NCF2: variants seen among roughly 807,000 people sequenced by gnomAD.
NCF2 encodes the protein neutrophil cytosolic factor 2.
A neutral mutation model predicts 70.9 loss-of-function variants in NCF2; 45 were observed. The observed-to-expected ratio is 0.63, with a 90% confidence interval of 0.50 to 0.81. The LOEUF (loss-of-function observed/expected upper bound fraction) is 0.81, where lower values mean the gene tolerates loss of function less well. Ranked by LOEUF, NCF2 falls within the 40% of genes least tolerant of loss-of-function variation. NCF2 has a pLI of 0.00. For synonymous variants in NCF2, 203 were observed against 233.6 expected, an observed-to-expected ratio of 0.87 and a Z score of 1.19; for missense variants, 522 against 631.6, an observed-to-expected ratio of 0.83 and a Z score of 1.86.
chr1:183,591,504 C>A (rs1213649545), upstream of NCF2, among the ~76,000 whole-genome samples: 2 of 136,570 alleles, frequency 1.5e-5, no homozygotes, highest in African/African-American at 5.6e-5. Context: ...TTTTTTGAGA[C>A]GGAGTTTCAC....
intron 1 of NCF2, among the ~76,000 whole-genome samples, chr1:183,587,595 C>CAAAAAAAA (rs11287969): frequency 4.8e-4 from 20 of 41,894 alleles, no homozygotes; most frequent in Non-Finnish European, 8.2e-4. Flanking sequence ...CACCCTGTCT[C>CAAAAAAAA]AAAAAAAAAA....
At chr1:183,586,729 G>C (rs1039359406) in intron 2 of NCF2, among the ~76,000 whole-genome samples, 166 bp downstream of exon 2, 2 of 152,184 alleles carry the variant, frequency 1.3e-5, no homozygotes, top group Non-Finnish European at 2.9e-5. Context: ...CCCAGTGAGA[G>C]CTTCTGCCTC....
chr1:183,583,868 CT>C (rs1157822109), intron 2 of NCF2, among the ~76,000 whole-genome samples: 5 of 152,052 alleles, frequency 3.3e-5, no homozygotes, highest in African/African-American at 4.8e-5. Flanking sequence ...ACAGAGATTG[CT>C]TTTTTTAAAT....
At chr1:183,587,740 A>C (rs528926369) in intron 1 of NCF2, among the ~76,000 whole-genome samples, 161 of 152,270 alleles carry the variant, frequency 1.1e-3, no homozygotes, top group Middle Eastern at 3.4e-3. Context: ...AAAGGAGCTC[A>C]TCATTTTAAA....
intron 2 of NCF2, among the ~76,000 whole-genome samples, chr1:183,578,383 G>A (rs1468928115): frequency 6.6e-6 from 1 of 150,912 alleles, no homozygotes; most frequent in African/African-American, 2.4e-5. Flanking sequence ...TTTGAGACAG[G>A]GTCTCACTGT....
chr1:183,594,245 A>G (rs999191494), upstream of NCF2, among the ~76,000 whole-genome samples: 1 of 114,808 alleles, frequency 8.7e-6, no homozygotes, highest in African/African-American at 3.4e-5. Context: ...ATCTCTACAG[A>G]AAAACACTAA....
At chr1:183,588,765 G>T (rs1198147930) in intron 1 of NCF2, among the ~76,000 whole-genome samples, 1 of 152,228 alleles carries the variant, frequency 6.6e-6, no homozygotes, top group African/African-American at 2.4e-5. Context: ...GAATGAGAAG[G>T]CTAGAAGCAG....
upstream of NCF2, among the ~76,000 whole-genome samples, chr1:183,591,256 G>GA (rs948923501): frequency 1.2e-4 from 18 of 152,374 alleles, no homozygotes; most frequent in African/African-American, 9.6e-5. Context: ...AAGTGATGGA[G>GA]AAAAAATCCT....
intron 2 of NCF2, among the ~76,000 whole-genome samples, chr1:183,580,607 G>A (rs570783747): frequency 3.9e-5 from 6 of 152,242 alleles, no homozygotes; most frequent in African/African-American, 1.4e-4. Context: ...TTTCAGCTGG[G>A]AAGTGACACC....
intron 2 of NCF2, among the ~76,000 whole-genome samples, chr1:183,582,807 C>T (rs1401408047): frequency 1.3e-5 from 2 of 152,158 alleles, no homozygotes; most frequent in East Asian, 1.9e-4. Context: ...AAGACAGCTT[C>T]GAGCCCCTGT....
intron 2 of NCF2, among the ~76,000 whole-genome samples, 188 bp from the exon 3 acceptor site, chr1:183,577,895 GT>G (rs1230462438): frequency 3.3e-5 from 5 of 152,156 alleles, no homozygotes; most frequent in Non-Finnish European, 4.4e-5. Context: ...TGGGAATGGT[GT>G]TCCCCCCAGG....
intron 5 of NCF2, among the ~76,000 whole-genome samples, chr1:183,571,255 T>C (rs1257557391): frequency 2.6e-5 from 4 of 151,402 alleles, no homozygotes; most frequent in African/African-American, 9.7e-5. Context: ...GTAGCTGATA[T>C]TACAGGCACC....
intron 13 of NCF2, among the ~76,000 whole-genome samples, chr1:183,561,705 C>G (rs1672059543): frequency 6.9e-6 from 1 of 145,718 alleles, no homozygotes; most frequent in East Asian, 2.0e-4. Context: ...GTCTTAAACT[C>G]CTGACCTCAG....
chr1:183,590,649 C>T (rs1390255125), upstream of NCF2: 5 of 402,158 alleles, frequency 1.2e-5, no homozygotes, highest in Non-Finnish European at 1.9e-5. Flanking sequence ...AGGATCAGTT[C>T]CCCAAAATGC....
Position 183,556,107 on chromosome 1 carries a change from T to G in NCF2, c.*11A>C, listed in dbSNP as rs920446407. On this transcript the variant is annotated 3_prime_UTR_variant, in exon 15 of 15. Coordinates refer to ENST00000367535, the MANE Select transcript of NCF2 (RefSeq NM_000433.4). ...CTTCATTTTCTTCAGCTTTGTAGTT[T>G]GTGAAACATCCTAGACTTCTCTCCG... 6 of 1,607,782 alleles carry G rather than the reference T, an allele frequency of 3.7e-6. No homozygotes were observed. In the African/African-American group the frequency reaches 6.7e-5, roughly 18 times the overall value.
At chr1:183,558,123 C>T (rs789183) in intron 14 of NCF2, among the ~76,000 whole-genome samples, 26,568 of 151,870 alleles carry the variant, frequency 0.17, 2,876 homozygotes, top group African/African-American at 0.32. Flanking sequence ...ATCCACTCAC[C>T]TTGGCCTCCC....
chr1:183,555,965 A>G lies in NCF2; in HGVS notation c.*153T>C, dbSNP rs1279397099. The G allele has an allele frequency of 2.8e-6, 2 of 717,912 alleles. No homozygotes were observed. Among genetic ancestry groups the G allele is most frequent in the Non-Finnish European group, 4.9e-6 (2 of 406,186 alleles). The allele number at this position is 717,912 out of a possible 1,614,324, so 44.5% of individuals were successfully genotyped here. ...CCAGGAAATCATCCTGGGTACTCAC[A>G]TCATTGTCTAGTAGGTTAAATTTTA... is the stretch of plus-strand genomic sequence containing the variant. On this transcript the variant is annotated 3_prime_UTR_variant, in exon 15 of 15. Coordinates refer to ENST00000367535, the MANE Select transcript of NCF2 (RefSeq NM_000433.4).
At chr1:183,562,330 AAGAC>A (rs1259683961) in intron 13 of NCF2, among the ~76,000 whole-genome samples, 2 of 152,126 alleles carry the variant, frequency 1.3e-5, no homozygotes, top group Non-Finnish European at 2.9e-5. Flanking sequence ...GGTTAGTCCA[AAGAC>A]AGACAGCTGG....
At chr1:183,561,601 A>T (rs1263923952) in intron 13 of NCF2, among the ~76,000 whole-genome samples, 5 of 152,040 alleles carry the variant, frequency 3.3e-5, no homozygotes, top group African/African-American at 1.2e-4. Flanking sequence ...GTAGATGCTT[A>T]ATAAATGTTA....
Sources: allele counts gnomAD v4.1 joint callset (sites outside exome capture counted in the v4.1 genomes callset), GRCh38; gene constraint gnomAD v4.1.1; transcripts MANE v1.5; gene names NCBI Gene and HGNC (gene_info 2026-07-23, HGNC 2026-07-21).